Variants in MAML2 observed in about 807,000 individuals in gnomAD.
MAML2 encodes the protein mastermind-like protein 2.
In MAML2, 22 loss-of-function variants were observed where a neutral mutation model predicts 96.1. That is an observed-to-expected ratio of 0.23 (90% CI 0.16 to 0.33). The LOEUF is 0.33. Among genes scored for constraint, MAML2 ranks in the 10% least tolerant of loss-of-function variants. The pLI, the probability that MAML2 is intolerant of heterozygous loss-of-function variation, is 1.00. For missense variants in MAML2, 1,367 were observed against 1,392.4 expected, an observed-to-expected ratio of 0.98 and a Z score of 0.29; for synonymous variants, 561 against 521.3, an observed-to-expected ratio of 1.08 and a Z score of -1.04.
At chr11:96,041,862 T>G (rs905861577) in intron 2 of MAML2, among the ~76,000 whole-genome samples, 3 of 152,004 alleles carry the variant, frequency 2.0e-5, no homozygotes, top group Non-Finnish European at 4.4e-5. Context: ...CAGGCTGGAG[T>G]GCAATGGCGC....
intron 1 of MAML2, among the ~76,000 whole-genome samples, chr11:96,302,645 C>G (rs1863404140): frequency 6.6e-6 from 1 of 152,198 alleles, no homozygotes; most frequent in Admixed American, 6.5e-5. Flanking sequence ...TTGAAACCCC[C>G]TGATTCCTTA....
At chr11:96,041,857 T>G (rs1023850543) in intron 2 of MAML2, among the ~76,000 whole-genome samples, 2 of 152,252 alleles carry the variant, frequency 1.3e-5, no homozygotes, top group Admixed American at 1.3e-4. Flanking sequence ...TTGCCCAGGC[T>G]GGAGTGCAAT....
At chr11:96,223,013 T>A (rs1862161770) in intron 1 of MAML2, among the ~76,000 whole-genome samples, 1 of 152,162 alleles carries the variant, frequency 6.6e-6, no homozygotes, top group South Asian at 2.1e-4. Flanking sequence ...ACCTTTAGTT[T>A]TGGATTTTTA....
At chr11:96,020,045 G>A (rs920645188) in intron 2 of MAML2, among the ~76,000 whole-genome samples, 1 of 152,076 alleles carries the variant, frequency 6.6e-6, no homozygotes, top group Non-Finnish European at 1.5e-5. Flanking sequence ...TTCTCTACAT[G>A]GTCAATGTTG....
In MAML2 at chr11:96,246,352, A is replaced by G. The variant is rs900499466; in HGVS notation, c.513+95031T>C. ...TAAGTAGAAAAGGCAAAAGAACATC[A>G]TATGCAAATCCCTGAAGTTCTGAAA... On this transcript the variant is annotated intron_variant, in intron 1 of 4. Transcript: ENST00000524717. 5.3e-5 allele frequency among the ~76,000 whole-genome samples: 8 copies of G among 152,118 alleles called. No individual in the cohort carries two copies. In the South Asian group the frequency reaches 1.7e-3, roughly 32 times the overall value.
rs561712141 is a variant in MAML2 at position 96,057,229 on chromosome 11, C to A, written c.2139+34663G>T. Among the ~76,000 whole-genome samples, 28 of 152,198 alleles carry A rather than the reference C, an allele frequency of 1.8e-4. 1 individual carries two copies. The highest frequency in any genetic ancestry group is 6.8e-4 in the African/African-American group (28 of 41,438). On this transcript the variant is annotated intron_variant, in intron 2 of 4. Transcript: ENST00000524717. ...GTGCATCCTTTCTGTTTCTCTGACT[C>A]TCAAATTTATTCTCTTTGAAGTGAG...
At chr11:96,220,213 C>T (rs571346546) in intron 1 of MAML2, among the ~76,000 whole-genome samples, 24 of 152,272 alleles carry the variant, frequency 1.6e-4, no homozygotes, top group Non-Finnish European at 2.9e-4. Context: ...GGGAACACTG[C>T]CTGTAAACAA....
intron 1 of MAML2, among the ~76,000 whole-genome samples, chr11:96,333,090 G>A (rs968652843): frequency 6.6e-6 from 1 of 152,148 alleles, no homozygotes; most frequent in Non-Finnish European, 1.5e-5. Context: ...GGCATTTAAG[G>A]TGTTGGGCTT....
intron 1 of MAML2, among the ~76,000 whole-genome samples, chr11:96,210,598 T>C (rs1861957061): frequency 6.6e-6 from 1 of 152,174 alleles, no homozygotes; most frequent in Non-Finnish European, 1.5e-5. Context: ...TCAATCACTC[T>C]TTCTAAGAAT....
At chr11:96,311,660 C>T (rs762813787) in intron 1 of MAML2, among the ~76,000 whole-genome samples, 3 of 152,150 alleles carry the variant, frequency 2.0e-5, no homozygotes, top group Non-Finnish European at 4.4e-5. Context: ...AAACATATGT[C>T]CAAGTTATAC....
intron 1 of MAML2, among the ~76,000 whole-genome samples, chr11:96,167,514 C>T (rs1185737782): frequency 6.6e-6 from 1 of 152,228 alleles, no homozygotes; most frequent in South Asian, 2.1e-4. Context: ...AGATCTTTCA[C>T]TCTCAGCCTC....
chr11:96,106,596 G>T (rs1860024442), intron 1 of MAML2, among the ~76,000 whole-genome samples: 1 of 152,140 alleles, frequency 6.6e-6, no homozygotes, highest in Non-Finnish European at 1.5e-5. Flanking sequence ...ATTCCTTAAA[G>T]AACACTTTAC....
intron 1 of MAML2, among the ~76,000 whole-genome samples, chr11:96,336,021 C>T (rs1267623458): frequency 6.6e-6 from 1 of 152,160 alleles, no homozygotes; most frequent in South Asian, 2.1e-4. Context: ...GTTTTGAGCA[C>T]CTACTATGTA....
At chr11:96,278,277 C>T (rs543953253) in intron 1 of MAML2, among the ~76,000 whole-genome samples, 1 of 152,258 alleles carries the variant, frequency 6.6e-6, no homozygotes, top group South Asian at 2.1e-4. Flanking sequence ...TTTTGGTAAG[C>T]CTGGGTAGTA....
intron 1 of MAML2, among the ~76,000 whole-genome samples, chr11:96,270,324 C>A (rs1862898423): frequency 6.6e-6 from 1 of 152,122 alleles, no homozygotes; most frequent in Non-Finnish European, 1.5e-5. Flanking sequence ...CATTTCTTTT[C>A]TTTGAGATGG....
At position 96,172,767 on chromosome 11, in the gene MAML2, AT is replaced by A. The variant is rs535280772; in HGVS notation, c.514-79251del. ...ATTTACTCAGCTGGTTTTAATAATA[AT>A]TTTTTAAGTGGTGGGAATATTTTTC... On this transcript the variant is annotated intron_variant, in intron 1 of 4. Coordinates refer to ENST00000524717, the MANE Select transcript of MAML2 (RefSeq NM_032427.4). Among the ~76,000 whole-genome samples the A allele has an allele frequency of 6.2e-3, 947 of 152,306 alleles. 12 individuals carry two copies. Among genetic ancestry groups the A allele is most frequent in the African/African-American group, 0.022 (897 of 41,556 alleles).
intron 2 of MAML2, among the ~76,000 whole-genome samples, chr11:96,026,382 A>G (rs1445687701): frequency 6.6e-6 from 1 of 152,226 alleles, no homozygotes; most frequent in Non-Finnish European, 1.5e-5. Context: ...GGGACCACCC[A>G]AGAGAGATAA....
intron 1 of MAML2, among the ~76,000 whole-genome samples, chr11:96,214,496 T>A (rs114783694): frequency 0.013 from 1,936 of 152,332 alleles, 47 homozygotes; most frequent in African/African-American, 0.044. Flanking sequence ...ATTTCCTTTA[T>A]TGCCTCCTAT....
At chr11:96,116,803 T>A (rs1398354017) in intron 1 of MAML2, among the ~76,000 whole-genome samples, 3 of 152,208 alleles carry the variant, frequency 2.0e-5, no homozygotes, top group African/African-American at 7.2e-5. Flanking sequence ...AATCACTCAA[T>A]AATGGATATA....
Sources: allele counts gnomAD v4.1 joint callset (sites outside exome capture counted in the v4.1 genomes callset), GRCh38; gene constraint gnomAD v4.1.1; transcripts MANE v1.5; gene names NCBI Gene and HGNC (gene_info 2026-07-23, HGNC 2026-07-21).